Variants in INSL6 observed in about 807,000 individuals in gnomAD.
The protein encoded by INSL6 is insulin like 6.
A neutral mutation model predicts 9.4 loss-of-function variants in INSL6; 16 were observed. The ratio of observed to expected loss-of-function variants is 1.70; its 90% CI spans 1.15 to 2.59. The LOEUF is 2.59. Ranked by LOEUF, INSL6 falls within the 30% of genes most tolerant of loss-of-function variation. The pLI, the probability that INSL6 is intolerant of heterozygous loss-of-function variation, is 0.00. For synonymous variants in INSL6, 154 were observed against 96.9 expected (o/e 1.59, Z -3.46); for missense variants, 391 against 257.3 (o/e 1.52, Z -3.56).
intron 2 of INSL6, among the ~76,000 whole-genome samples, chr9:5,134,139 T>C (rs1162639395): frequency 1.3e-5 from 2 of 151,602 alleles, no homozygotes; most frequent in African/African-American, 4.9e-5. Flanking sequence ...AAGACAAGAT[T>C]AGAGAAAAAA....
At chr9:5,051,574 C>G in the INSL6 span, among the ~76,000 whole-genome samples, 9 of 152,252 alleles carry the variant, frequency 5.9e-5, no homozygotes, top group East Asian at 9.6e-4. Flanking sequence ...CTGCATTCTT[C>G]AAATTATTCT....
At chr9:5,141,704 CAGA>C (rs1824505113) in intron 2 of INSL6, among the ~76,000 whole-genome samples, 1 of 152,170 alleles carries the variant, frequency 6.6e-6, no homozygotes, top group Non-Finnish European at 1.5e-5. Context: ...TTTTGCTGGG[CAGA>C]AGCTCTTTAG....
At chr9:5,097,629 A>G in the INSL6 span, 1 of 147,916 alleles carries the variant, frequency 6.8e-6, no homozygotes, top group Non-Finnish European at 1.5e-5. Flanking sequence ...TCTTTAGCTG[A>G]TTAGCTACAC....
the INSL6 span, among the ~76,000 whole-genome samples, chr9:5,062,252 T>G: frequency 2.0e-5 from 3 of 152,140 alleles, no homozygotes; most frequent in Admixed American, 6.5e-5. Context: ...AACTTGAATA[T>G]GTTCAGATTT....
At chr9:5,098,328 C>T in the INSL6 span, 7 of 152,174 alleles carry the variant, frequency 4.6e-5, no homozygotes, top group Non-Finnish European at 8.8e-5. Flanking sequence ...TAGGCTAAAT[C>T]CTATATGTCT....
Position 5,177,572 on chromosome 9 carries a change from G to C in INSL6, c.289+7742C>G, listed in dbSNP as rs28802053. Among the ~76,000 whole-genome samples the C allele has an allele frequency of 2.3e-3, 346 of 152,334 alleles. 2 individuals carry two copies. The highest frequency in any genetic ancestry group is 7.9e-3 in the African/African-American group (330 of 41,572). ...TCCTGGCAAGGCAGAAGATATGACA[G>C]TGCATATCCCAAGGAAGGGGGCTGA... On this transcript the variant is annotated intron_variant, in intron 1 of 1. Coordinates refer to ENST00000381641, the MANE Select transcript of INSL6 (RefSeq NM_007179.3).
the INSL6 span, chr9:5,021,925 G>A: frequency 8.7e-6 from 11 of 1,259,466 alleles, no homozygotes; most frequent in East Asian, 7.0e-5. Context: ...GAGACACTGC[G>A]CCCAGCCCAT....
chr9:5,110,971 G>A, the INSL6 span: 1 of 612,936 alleles, frequency 1.6e-6, no homozygotes, highest in Middle Eastern at 4.5e-4. Flanking sequence ...CAGTAACCTG[G>A]ACTTCAGCAT....
At chr9:5,040,278 C>G in the INSL6 span, among the ~76,000 whole-genome samples, 1 of 150,124 alleles carries the variant, frequency 6.7e-6, no homozygotes, top group Admixed American at 6.6e-5. Flanking sequence ...AGACAATCTA[C>G]TTCACACTAT....
chr9:5,033,787 C>T, the INSL6 span, among the ~76,000 whole-genome samples: 724 of 152,186 alleles, frequency 4.8e-3, 8 homozygotes, highest in African/African-American at 0.016. Flanking sequence ...TGCAAAAACA[C>T]GCCAAATTGT....
At chr9:4,993,831 G>C in the INSL6 span, among the ~76,000 whole-genome samples, 2 of 152,208 alleles carry the variant, frequency 1.3e-5, no homozygotes, top group East Asian at 3.8e-4. Context: ...TGTTTGTGTG[G>C]AGTTTGGACA....
At chr9:5,095,637 T>A in the INSL6 span, among the ~76,000 whole-genome samples, 1 of 152,100 alleles carries the variant, frequency 6.6e-6, no homozygotes, top group Admixed American at 6.5e-5. Context: ...AACTAGCCCC[T>A]ATCTCAATTA....
At position 5,185,533 on chromosome 9, in the gene INSL6, T is replaced by C; in HGVS notation, c.70A>G (p.Ser24Gly). The C allele has an allele frequency of 1.2e-6, 2 of 1,614,106 alleles. No individual in the cohort carries two copies. Among genetic ancestry groups the C allele is most frequent in the Non-Finnish European group, 1.7e-6 (2 of 1,180,004 alleles). Reference protein sequence around the residue: ...LLLVRFSRELSDISSARKLCG... With the variant: ...LLLVRFSRELGDISSARKLCG... ...AGCTTCCTGGCACTGCTGATGTCGC[T>C]CAGTTCACGAGAAAACCGAACCAGC... is the stretch of plus-strand genomic sequence containing the variant. The change falls in exon 1 of 2, where the codon AGC (serine) becomes GGC (glycine). Residue 24 changes from serine (S) to glycine (G), a missense_variant. Physicochemically the swap from Ser to Gly is moderately conservative, Grantham distance 56. Coordinates refer to ENST00000381641, the MANE Select transcript of INSL6 (RefSeq NM_007179.3).
chr9:5,113,063 G>C, the INSL6 span, among the ~76,000 whole-genome samples: 5 of 152,046 alleles, frequency 3.3e-5, no homozygotes, highest in Non-Finnish European at 7.4e-5. Flanking sequence ...GGAGCTCCCT[G>C]GGACCCCGGC....
chr9:5,173,568 G>A (rs1054377033), intron 1 of INSL6, among the ~76,000 whole-genome samples: 2 of 151,886 alleles, frequency 1.3e-5, no homozygotes, highest in East Asian at 1.9e-4. Flanking sequence ...ATGAGATCAC[G>A]TGAACATGGG....
the INSL6 span, among the ~76,000 whole-genome samples, chr9:5,038,827 C>G: frequency 1.3e-4 from 20 of 152,006 alleles, no homozygotes; most frequent in East Asian, 3.9e-3. Flanking sequence ...GGGATTTATC[C>G]CAGGAAATAC....
chr9:5,148,480 C>A (rs138579351), intron 2 of INSL6, among the ~76,000 whole-genome samples: 9 of 152,178 alleles, frequency 5.9e-5, no homozygotes, highest in Non-Finnish European at 1.3e-4. Context: ...TGGCACTGTG[C>A]TCACAATTTT....
the INSL6 span, among the ~76,000 whole-genome samples, chr9:5,001,386 T>C: frequency 5.3e-5 from 8 of 152,132 alleles, no homozygotes; most frequent in African/African-American, 1.9e-4. Flanking sequence ...TTCCAGAAAT[T>C]TTATCATGAA....
At chr9:5,061,835 C>T in the INSL6 span, among the ~76,000 whole-genome samples, 1 of 151,774 alleles carries the variant, frequency 6.6e-6, no homozygotes, top group Non-Finnish European at 1.5e-5. Context: ...TTAATCATTT[C>T]TAGCTTTTGA....
Sources: allele counts gnomAD v4.1 joint callset (sites outside exome capture counted in the v4.1 genomes callset), GRCh38; gene constraint gnomAD v4.1.1; transcripts MANE v1.5; gene names NCBI Gene and HGNC (gene_info 2026-07-23, HGNC 2026-07-21).